Variants in SLX4IP observed in about 807,000 individuals in gnomAD.
SLX4IP encodes the protein protein SLX4IP.
A neutral mutation model predicts 32.9 loss-of-function variants in SLX4IP; 34 were observed. The observed-to-expected ratio is 1.03, with a 90% CI of 0.79 to 1.38. The LOEUF (loss-of-function observed/expected upper bound fraction) is 1.38. Ranked by LOEUF, SLX4IP falls within the 40% of genes most tolerant of loss-of-function variation. SLX4IP has a pLI of 0.00. For missense variants in SLX4IP, 444 were observed against 479.0 expected, an observed-to-expected ratio of 0.93 and a Z score of 0.68; for synonymous variants, 172 against 171.7, an observed-to-expected ratio of 1.00 and a Z score of -0.01.
intron 2 of SLX4IP, among the ~76,000 whole-genome samples, chr20:10,509,364 T>C (rs566019458): frequency 3.6e-4 from 55 of 152,198 alleles, no homozygotes; most frequent in Admixed American, 9.8e-4. Flanking sequence ...GATCACCGAG[T>C]TGATAGTCAC....
chr20:10,617,652 C>CTTTTTTTTTTTTTTTTTT (rs549525000), intron 6 of SLX4IP, among the ~76,000 whole-genome samples: 7 of 112,758 alleles, frequency 6.2e-5, no homozygotes, highest in Non-Finnish European at 8.8e-5. Context: ...TTCTTTCTTT[C>CTTTTTTTTTTTTTTTTTT]TTTTTTTTTT....
chr20:10,541,556 C>A (rs904340477), intron 2 of SLX4IP, among the ~76,000 whole-genome samples: 3 of 152,176 alleles, frequency 2.0e-5, no homozygotes, highest in African/African-American at 7.2e-5. Flanking sequence ...ATTTAAAATT[C>A]ACACCAGCCT....
chr20:10,478,828 A>T (rs997729232), intron 2 of SLX4IP, among the ~76,000 whole-genome samples: 4 of 152,202 alleles, frequency 2.6e-5, no homozygotes, highest in African/African-American at 9.7e-5. Flanking sequence ...CAACTCTTCT[A>T]AGCTCTTCTA....
rs2122575636 is a variant in SLX4IP at position 10,623,395 on chromosome 20, T to C, written c.*16T>C. Reference sequence around the variant, plus strand: ...AGGCCATTAACACCGAAGAGGTTTGTACCGTTGGAGTTGAGGACATAGTGG... The same window carrying C: ...AGGCCATTAACACCGAAGAGGTTTGCACCGTTGGAGTTGAGGACATAGTGG... On this transcript the variant is annotated 3_prime_UTR_variant, in exon 8 of 8. Transcript: ENST00000334534. The C allele has an allele frequency of 6.3e-7, 1 of 1,593,784 alleles. No homozygotes were observed. Among genetic ancestry groups the C allele is most frequent in the East Asian group, 2.2e-5 (1 of 44,692 alleles).
intron 2 of SLX4IP, among the ~76,000 whole-genome samples, chr20:10,478,745 G>A (rs560116311): frequency 2.4e-4 from 37 of 152,238 alleles, no homozygotes; most frequent in African/African-American, 7.7e-4. Context: ...GAAAACAGAT[G>A]CGTTGATGAC....
In SLX4IP at chr20:10,623,082, A is replaced by C; in HGVS notation, c.930A>C (p.Arg310Ser). 6.2e-7 allele frequency: 1 copy of C among 1,614,118 alleles called. No homozygotes were observed. The highest frequency in any genetic ancestry group is 8.5e-7 in the Non-Finnish European group (1 of 1,179,986). ...CGGAAGACTTCGACCACCACGGGAG[A>C]GTTTCTCTTGGAAGTGATCGATTAG... ...SSAEDFDHHG[R>S]VSLGSDRLVP... The change falls in exon 8 of 8, where the codon AGA becomes AGC. Residue 310 changes from arginine to serine, a missense_variant. By Grantham distance (110) the Arg-to-Ser change is moderately radical. Transcript: ENST00000334534.
chr20:10,556,096 T>G, intron 2 of SLX4IP, 135 bp from the exon 3 acceptor site: 1 of 665,192 alleles, frequency 1.5e-6, no homozygotes. Context: ...ATGTTCTTTA[T>G]TAAAAGTTCT....
chr20:10,508,698 CCTT>C (rs2065780007), intron 2 of SLX4IP, among the ~76,000 whole-genome samples: 1 of 152,194 alleles, frequency 6.6e-6, no homozygotes, highest in South Asian at 2.1e-4. Context: ...TACTGGTTCT[CCTT>C]CTCCGTGGGC....
chr20:10,482,847 G>C (rs889181655), intron 2 of SLX4IP, among the ~76,000 whole-genome samples: 1 of 152,132 alleles, frequency 6.6e-6, no homozygotes, highest in Admixed American at 6.6e-5. Context: ...ACTTAAAACA[G>C]GTGAATTTTA....
chr20:10,534,667 A>G (rs143228648), intron 2 of SLX4IP, among the ~76,000 whole-genome samples: 4 of 152,208 alleles, frequency 2.6e-5, no homozygotes, highest in Admixed American at 6.5e-5. Flanking sequence ...CGTCTGGGGT[A>G]TGCTCAATAA....
intron 6 of SLX4IP, among the ~76,000 whole-genome samples, chr20:10,608,328 G>A (rs560017900): frequency 1.3e-5 from 2 of 152,218 alleles, no homozygotes; most frequent in African/African-American, 4.8e-5. Flanking sequence ...TCTGTACAGC[G>A]TTCTCAAGTT....
chr20:10,577,210 G>C (rs2066532812), intron 4 of SLX4IP, among the ~76,000 whole-genome samples: 1 of 152,060 alleles, frequency 6.6e-6, no homozygotes, highest in Non-Finnish European at 1.5e-5. Flanking sequence ...TATTGTTTAA[G>C]TTTACCCTTA....
intron 2 of SLX4IP, among the ~76,000 whole-genome samples, chr20:10,474,320 C>T (rs1429939372): frequency 6.6e-6 from 1 of 152,170 alleles, no homozygotes; most frequent in African/African-American, 2.4e-5. Context: ...TTACAAAAGC[C>T]CATCGTTCTG....
intron 1 of SLX4IP, among the ~76,000 whole-genome samples, chr20:10,451,691 A>C (rs1424608223): frequency 6.6e-6 from 1 of 152,104 alleles, no homozygotes; most frequent in Non-Finnish European, 1.5e-5. Flanking sequence ...TAGATTGGCC[A>C]GGCACGGTGA....
At chr20:10,449,129 C>T (rs140419112) in intron 1 of SLX4IP, among the ~76,000 whole-genome samples, 2 of 152,284 alleles carry the variant, frequency 1.3e-5, no homozygotes, top group African/African-American at 4.8e-5. Flanking sequence ...CTAGTGCTGT[C>T]ATAAACCAAA....
At position 10,458,218 on chromosome 20, in the gene SLX4IP, A is replaced by T; in HGVS notation, c.14A>T (p.Lys5Ile). 6.3e-7 allele frequency: 1 copy of T among 1,590,892 alleles called. No individual in the cohort carries two copies. The highest frequency in any genetic ancestry group is 1.2e-5 in the South Asian group (1 of 85,512). ...AATCAATAAGCCATGGCATCTAAGA[A>T]ATTTGCTGTTAAAGTAAGTAATGTT... is the stretch of plus-strand genomic sequence containing the variant. MASK[K>I]FAVKCGNFAV... The change falls in exon 2 of 8, where the codon AAA (lysine) becomes ATA (isoleucine). Residue 5 changes from lysine to isoleucine, a missense_variant. Coordinates refer to ENST00000334534, the MANE Select transcript of SLX4IP (RefSeq NM_001009608.3).
intron 1 of SLX4IP, among the ~76,000 whole-genome samples, chr20:10,439,403 T>G (rs1242419893): frequency 2.0e-5 from 3 of 152,026 alleles, no homozygotes; most frequent in Non-Finnish European, 4.4e-5. Context: ...AGAGTTGGGT[T>G]TTTACCATGT....
chr20:10,613,074 T>A, intron 6 of SLX4IP: 1 of 282,794 alleles, frequency 3.5e-6, no homozygotes. Flanking sequence ...GTAGAGAGCC[T>A]ATTCTAACAG....
intron 2 of SLX4IP, among the ~76,000 whole-genome samples, chr20:10,488,232 T>G (rs1448527172): frequency 6.6e-6 from 1 of 152,088 alleles, no homozygotes; most frequent in Non-Finnish European, 1.5e-5. Flanking sequence ...GTCACTAGGG[T>G]GAACCCTAAA....
Sources: allele counts gnomAD v4.1 joint callset (sites outside exome capture counted in the v4.1 genomes callset), GRCh38; gene constraint gnomAD v4.1.1; transcripts MANE v1.5; gene names NCBI Gene and HGNC (gene_info 2026-07-23, HGNC 2026-07-21).